NBAS: variants seen among roughly 807,000 people sequenced by gnomAD.
The protein encoded by NBAS is NAG/BC035112 fusion.
A neutral mutation model predicts 302.5 loss-of-function variants in NBAS; 219 were observed. That is an observed-to-expected ratio of 0.72 (90% confidence interval 0.65 to 0.81). The LOEUF (loss-of-function observed/expected upper bound fraction) is 0.81. Ranked by LOEUF, NBAS falls within the 30% of genes least tolerant of loss-of-function variation. The probability of loss-of-function intolerance (pLI) is 0.00; values close to 1 mark genes in which losing one functional copy is unlikely to be tolerated. For missense variants in NBAS, 2,932 were observed against 2,841.6 expected, an observed-to-expected ratio of 1.03 and a Z score of -0.72; for synonymous variants, 1,118 against 1,021.6, an observed-to-expected ratio of 1.09 and a Z score of -1.80.
At position 15,433,722 on chromosome 2, in the gene NBAS, TTTGA is replaced by T. The variant is rs546854773; in HGVS notation, c.2340-5932_2340-5929del. 4.4e-4 allele frequency among the ~76,000 whole-genome samples: 67 copies of T among 152,270 alleles called. 1 individual carries two copies. In the East Asian group the frequency reaches 0.011, roughly 25 times the overall value. ...GTTTTTACCCATGAGCAAAGGACAA[TTTGA>T]TTATTATAAAGGAGAACTAGTTTGT... On this transcript the variant is annotated intron_variant, in intron 21 of 51. Transcript: ENST00000281513.
the NBAS span, among the ~76,000 whole-genome samples, chr2:14,895,409 G>A: frequency 2.1e-4 from 32 of 152,170 alleles, no homozygotes; most frequent in Admixed American, 1.8e-3. Flanking sequence ...CAAATGCAAC[G>A]AAAACAAAAA....
the NBAS span, among the ~76,000 whole-genome samples, chr2:15,023,516 A>G: frequency 6.6e-6 from 1 of 151,900 alleles, no homozygotes. Context: ...GCTTTATAAA[A>G]AGGTTATAAC....
chr2:15,069,925 A>G, the NBAS span, among the ~76,000 whole-genome samples: 1 of 152,140 alleles, frequency 6.6e-6, no homozygotes, highest in Non-Finnish European at 1.5e-5. Context: ...ACCCAGACAA[A>G]CCTGAGACCC....
Position 15,253,299 on chromosome 2 carries a change from G to A in NBAS, c.5725-14613C>T, listed in dbSNP as rs1030749843. On this transcript the variant is annotated intron_variant, in intron 44 of 51. Coordinates refer to ENST00000281513, the MANE Select transcript of NBAS (RefSeq NM_015909.4). ...TCTGAAAAAGATTAAACCATCCCAG[G>A]AGTTCAATCACCAAAGCCAAACATC... Among the ~76,000 whole-genome samples the A allele has an allele frequency of 2.0e-5, 3 of 152,058 alleles. No homozygotes were observed. In the East Asian group the frequency reaches 5.8e-4, roughly 29 times the overall value.
At chr2:15,106,336 A>T in the NBAS span, among the ~76,000 whole-genome samples, 1 of 152,146 alleles carries the variant, frequency 6.6e-6, no homozygotes, top group African/African-American at 2.4e-5. Flanking sequence ...CAACACTTAG[A>T]GGATGAGACA....
At chr2:14,800,676 C>T in the NBAS span, among the ~76,000 whole-genome samples, 1 of 151,984 alleles carries the variant, frequency 6.6e-6, no homozygotes, top group Non-Finnish European at 1.5e-5. Flanking sequence ...CTTATATTTT[C>T]CTTTCTTCCC....
chr2:15,521,267 G>A (rs1200305589), intron 9 of NBAS, among the ~76,000 whole-genome samples: 1 of 152,114 alleles, frequency 6.6e-6, no homozygotes, highest in African/African-American at 2.4e-5. Flanking sequence ...ATTCTGATTC[G>A]TTGGTCACCC....
chr2:14,946,002 G>A, the NBAS span, among the ~76,000 whole-genome samples: 1 of 152,238 alleles, frequency 6.6e-6, no homozygotes, highest in African/African-American at 2.4e-5. Context: ...AACCTAGGAG[G>A]CAGAGGTTGC....
intron 32 of NBAS, among the ~76,000 whole-genome samples, chr2:15,360,894 T>A (rs1369156527): frequency 6.6e-6 from 1 of 152,080 alleles, no homozygotes. Flanking sequence ...AGTTAACTTT[T>A]TTCTTTTATA....
chr2:15,145,127 C>T, the NBAS span, among the ~76,000 whole-genome samples: 5 of 152,158 alleles, frequency 3.3e-5, no homozygotes, highest in East Asian at 1.9e-4. Flanking sequence ...CAAAAGAGGA[C>T]GTACACATCC....
At chr2:15,511,995 G>A (rs879787100) in intron 9 of NBAS, among the ~76,000 whole-genome samples, 4 of 152,114 alleles carry the variant, frequency 2.6e-5, no homozygotes, top group Non-Finnish European at 5.9e-5. Context: ...AACCCCAACA[G>A]TCACAATTTT....
At chr2:15,087,257 C>CACACACACACA in the NBAS span, among the ~76,000 whole-genome samples, 1 of 137,422 alleles carries the variant, frequency 7.3e-6, no homozygotes, top group African/African-American at 3.1e-5. Flanking sequence ...CACACACACA[C>CACACACACACA]CCCATATTGG....
At chr2:15,005,580 T>A in the NBAS span, among the ~76,000 whole-genome samples, 1 of 152,220 alleles carries the variant, frequency 6.6e-6, no homozygotes, top group Admixed American at 6.5e-5. Flanking sequence ...CAGAGGGGGC[T>A]TGTCCCTGCA....
At chr2:14,866,918 A>G in the NBAS span, among the ~76,000 whole-genome samples, 1 of 152,210 alleles carries the variant, frequency 6.6e-6, no homozygotes, top group Non-Finnish European at 1.5e-5. Context: ...ATCTAATGCT[A>G]AGAGACTACT....
chr2:15,203,347 C>T (rs1665972481), intron 48 of NBAS, among the ~76,000 whole-genome samples: 1 of 152,096 alleles, frequency 6.6e-6, no homozygotes, highest in Non-Finnish European at 1.5e-5. Flanking sequence ...GCTGTTACAA[C>T]GTTTAGATGA....
the NBAS span, among the ~76,000 whole-genome samples, chr2:14,957,981 G>A: frequency 1.1e-3 from 160 of 152,294 alleles, 1 homozygote; most frequent in African/African-American, 3.6e-3. Context: ...GATGATTCTC[G>A]AGATAAGCCT....
At chr2:15,074,667 C>T in the NBAS span, among the ~76,000 whole-genome samples, 1 of 151,518 alleles carries the variant, frequency 6.6e-6, no homozygotes, top group Non-Finnish European at 1.5e-5. Context: ...AGGGGAAAAA[C>T]ATAAACAAAA....
At chr2:14,799,538 GT>G in the NBAS span, among the ~76,000 whole-genome samples, 1 of 152,050 alleles carries the variant, frequency 6.6e-6, no homozygotes, top group African/African-American at 2.4e-5. Flanking sequence ...TATTTCTGCT[GT>G]TATTGGTACT....
At position 15,342,865 on chromosome 2, in the gene NBAS, A is replaced by C. The variant is rs13431172; in HGVS notation, c.4179+9127T>G. Among the ~76,000 whole-genome samples, 1,391 of 152,150 alleles carry C rather than the reference A, an allele frequency of 9.1e-3. 15 individuals are homozygous for C. Among genetic ancestry groups the C allele is most frequent in the African/African-American group, 0.032 (1,317 of 41,528 alleles). On this transcript the variant is annotated intron_variant, in intron 35 of 51. Coordinates refer to ENST00000281513, the MANE Select transcript of NBAS (RefSeq NM_015909.4). ...CCCTATAAATGAATTATTAAAATTA[A>C]AGCTTGCATTATTTCTGTAACTAAA...
Sources: allele counts gnomAD v4.1 joint callset (sites outside exome capture counted in the v4.1 genomes callset), GRCh38; gene constraint gnomAD v4.1.1; transcripts MANE v1.5; gene names NCBI Gene and HGNC (gene_info 2026-07-23, HGNC 2026-07-21).